The following ZNF469 variants were observed in gnomAD, a reference collection of about 807,000 sequenced individuals.
ZNF469 encodes the protein zinc finger protein 469.
In ZNF469, 1 loss-of-function variant was observed where a neutral mutation model predicts 1.0. That is an observed-to-expected ratio of 1.00 (90% confidence interval 0.35 to 4.73). ZNF469 has a LOEUF of 4.73. Ranked by LOEUF, ZNF469 falls within the 30% of genes most tolerant of loss-of-function variation. The probability of loss-of-function intolerance (pLI) is 0.16; values close to 1 mark genes in which losing one functional copy is unlikely to be tolerated. For missense variants in ZNF469, 6,100 were observed against 5,356.3 expected (o/e 1.14, Z -4.33); for synonymous variants, 2,703 against 2,363.4 (o/e 1.14, Z -4.17).
chr16:88,348,065 G>A, the ZNF469 span, among the ~76,000 whole-genome samples: 1 of 152,246 alleles, frequency 6.6e-6, no homozygotes, highest in Non-Finnish European at 1.5e-5. Flanking sequence ...GTGGGCCAGG[G>A]ACAGCAGCGG....
At chr16:88,266,454 G>A in the ZNF469 span, among the ~76,000 whole-genome samples, 1 of 152,340 alleles carries the variant, frequency 6.6e-6, no homozygotes, top group African/African-American at 2.4e-5. Context: ...CGTGTCCTCG[G>A]GGTCTCACGG....
the ZNF469 span, among the ~76,000 whole-genome samples, chr16:88,277,196 G>A: frequency 2.7e-5 from 4 of 148,946 alleles, no homozygotes; most frequent in Non-Finnish European, 4.4e-5. Context: ...TCAGTACCGT[G>A]TAGATATCAG....
At chr16:88,144,232 C>T in the ZNF469 span, among the ~76,000 whole-genome samples, 1 of 152,226 alleles carries the variant, frequency 6.6e-6, no homozygotes, top group Non-Finnish European at 1.5e-5. Context: ...GGGGGCGTCT[C>T]TCTGGTCCCG....
chr16:88,336,249 C>CAT, the ZNF469 span, among the ~76,000 whole-genome samples: 1 of 128,702 alleles, frequency 7.8e-6, no homozygotes. Context: ...GACACTGATG[C>CAT]GCCAATACCA....
chr16:88,127,184 G>A, the ZNF469 span, among the ~76,000 whole-genome samples: 6 of 152,088 alleles, frequency 3.9e-5, no homozygotes, highest in African/African-American at 1.2e-4. Flanking sequence ...CCGTGCTCAC[G>A]AGGGCCTTGC....
At chr16:88,135,755 T>C in the ZNF469 span, among the ~76,000 whole-genome samples, 494 of 119,014 alleles carry the variant, frequency 4.2e-3, 101 homozygotes, top group African/African-American at 0.014. Context: ...CATGTTTTTT[T>C]TTTTTTTTTT....
the ZNF469 span, among the ~76,000 whole-genome samples, chr16:88,367,864 T>G: frequency 6.6e-6 from 1 of 151,810 alleles, no homozygotes; most frequent in African/African-American, 2.4e-5. Context: ...AAAACATCCC[T>G]CTCCAAAGCA....
rs762988622 is a variant in ZNF469, at chr16:88,438,830, A to G, written c.11360A>G (p.Lys3787Arg). 6.4e-7 allele frequency: 1 copy of G among 1,550,394 alleles called. No homozygotes were observed. The highest frequency in any genetic ancestry group is 8.7e-7 in the Non-Finnish European group (1 of 1,146,968). Reference sequence around the variant, plus strand: ...AGGCTCCCCGCTCGAGCCCAAGCCAAGAGCTGCACCAAGGGGCCAAGGGAA... The same window carrying G: ...AGGCTCCCCGCTCGAGCCCAAGCCAGGAGCTGCACCAAGGGGCCAAGGGAA... ...PERLPARAQA[K>R]SCTKGPREAG... Residue 3787 changes from lysine (K) to arginine (R), a missense_variant, in exon 3 of 3, where the codon AAG becomes AGG. By Grantham distance (26) the Lys-to-Arg change is conservative. Transcript: ENST00000565624.
At chr16:88,374,776 C>T in the ZNF469 span, among the ~76,000 whole-genome samples, 25 of 112,184 alleles carry the variant, frequency 2.2e-4, no homozygotes, top group Non-Finnish European at 3.9e-4. Context: ...CGCCGTATGC[C>T]AAGTGGGCTG....
At chr16:88,418,244 C>T (rs1475141721) in intron 1 of ZNF469, among the ~76,000 whole-genome samples, 1 of 152,166 alleles carries the variant, frequency 6.6e-6, no homozygotes, top group Non-Finnish European at 1.5e-5. Context: ...CCGGGACCAA[C>T]AGCAACAGCT....
chr16:88,230,592 C>G, the ZNF469 span, among the ~76,000 whole-genome samples: 1 of 99,514 alleles, frequency 1.0e-5, no homozygotes, highest in African/African-American at 3.0e-5. Context: ...TAACTGGGCT[C>G]TGAGCCTCCG....
chr16:88,427,572 A>C lies in ZNF469; in HGVS notation c.102A>C (p.Pro34=), dbSNP rs1905772911. ...ASSPGHPSQP[P]LEDNTPATRT... is the part of the protein sequence containing the mutation. ...GCCCGGGGCACCCCTCCCAGCCGCC[A>C]CTGGAGGACAACACCCCAGCTACCA... The change falls in exon 3 of 3, where the codon CCA becomes CCC. Residue 34 remains proline (P), a synonymous_variant. Transcript: ENST00000565624. The C allele has an allele frequency of 6.5e-7, 1 of 1,536,574 alleles. No individual in the cohort carries two copies. Among genetic ancestry groups the C allele is most frequent in the South Asian group, 1.2e-5 (1 of 83,932 alleles).
At chr16:88,138,897 A>T in the ZNF469 span, among the ~76,000 whole-genome samples, 1 of 152,258 alleles carries the variant, frequency 6.6e-6, no homozygotes, top group Non-Finnish European at 1.5e-5. Flanking sequence ...TAAGCAGCGT[A>T]AGCACAGCTA....
At position 88,430,165 on chromosome 16, in the gene ZNF469, C is replaced by T. The variant is rs973845764; in HGVS notation, c.2695C>T (p.Pro899Ser). Residue 899 changes from proline (P) to serine (S), a missense_variant, in exon 3 of 3, where the codon CCC becomes TCC. Coordinates refer to ENST00000565624, the MANE Select transcript of ZNF469 (RefSeq NM_001367624.2). ...GGTGACTCCAGAGAGCAAAGCTCCG[C>T]CCCCGCTCCCAGCAGCCACGCCGGA... ...AGVTPESKAPPPLPAATPDPQ... is the reference protein window; with the variant it reads ...AGVTPESKAPSPLPAATPDPQ... The T allele has an allele frequency of 1.3e-5, 20 of 1,548,872 alleles. No individual in the cohort carries two copies. The Admixed American group carries it at 1.6e-4, about 12-fold the overall frequency.
rs1178618170 is a variant in ZNF469, at chr16:88,434,604, G to A, written c.7134G>A (p.Glu2378=). 1.9e-5 allele frequency: 30 copies of A among 1,550,188 alleles called. No individual in the cohort carries two copies. The highest frequency in any genetic ancestry group is 2.6e-5 in the Non-Finnish European group (30 of 1,146,934). ...GEMGTSSKEP[E]DPGTPETGRS... ...TGGGGACCAGCAGCAAGGAGCCGGA[G>A]GACCCAGGGACCCCTGAGACCGGGC... Residue 2378 remains glutamate (E), a synonymous_variant, in exon 3 of 3, where the codon GAG becomes GAA. Transcript: ENST00000565624.
the ZNF469 span, among the ~76,000 whole-genome samples, chr16:88,240,730 G>A: frequency 1.3e-5 from 2 of 152,176 alleles, no homozygotes; most frequent in Non-Finnish European, 2.9e-5. Context: ...TTGGAGACAG[G>A]CACATCACCA....
intron 1 of ZNF469, among the ~76,000 whole-genome samples, chr16:88,389,796 G>C (rs1904434323): frequency 6.6e-6 from 1 of 152,170 alleles, no homozygotes; most frequent in Non-Finnish European, 1.5e-5. Context: ...TCAAGGCTGT[G>C]TCTTTGAACG....
intron 1 of ZNF469, among the ~76,000 whole-genome samples, chr16:88,410,635 C>T (rs998090427): frequency 8.8e-5 from 13 of 148,206 alleles, no homozygotes; most frequent in Non-Finnish European, 1.6e-4. Context: ...TTCACGGTGA[C>T]GTCTATGATG....
chr16:88,388,333 C>G (rs1463534902), intron 1 of ZNF469, among the ~76,000 whole-genome samples: 3 of 152,268 alleles, frequency 2.0e-5, no homozygotes, highest in Non-Finnish European at 4.4e-5. Flanking sequence ...GGGCTGTTCG[C>G]AGGGCCAGCA....
Sources: allele counts gnomAD v4.1 joint callset (sites outside exome capture counted in the v4.1 genomes callset), GRCh38; gene constraint gnomAD v4.1.1; transcripts MANE v1.5; gene names NCBI Gene and HGNC (gene_info 2026-07-23, HGNC 2026-07-21).